Variants in LYPLAL1 observed in about 807,000 individuals in gnomAD.
LYPLAL1 encodes lysophospholipase-like protein 1.
LYPLAL1 carries 23 observed loss-of-function variants against 19.7 expected under a neutral mutation model. The observed-to-expected ratio is 1.17, with a 90% CI of 0.84 to 1.65. The LOEUF (loss-of-function observed/expected upper bound fraction) is 1.65, where lower values mean the gene tolerates loss of function less well. Ranked by LOEUF, LYPLAL1 falls within the 40% of genes most tolerant of loss-of-function variation. The pLI, the probability that LYPLAL1 is intolerant of heterozygous loss-of-function variation, is 0.00. For synonymous variants in LYPLAL1, 119 were observed against 96.3 expected (o/e 1.24, Z -1.38); for missense variants, 355 against 279.4 (o/e 1.27, Z -1.93).
the LYPLAL1 span, among the ~76,000 whole-genome samples, chr1:219,438,107 C>T: frequency 6.6e-6 from 1 of 152,156 alleles, no homozygotes; most frequent in Non-Finnish European, 1.5e-5. Context: ...AAAAGGACCC[C>T]TCTTATAGCA....
the LYPLAL1 span, among the ~76,000 whole-genome samples, chr1:219,392,634 G>A: frequency 2.0e-5 from 3 of 151,982 alleles, no homozygotes; most frequent in African/African-American, 7.3e-5. Context: ...CCAAAATAAG[G>A]CTTTATGATA....
chr1:219,268,499 A>G, the LYPLAL1 span, among the ~76,000 whole-genome samples: 36 of 152,312 alleles, frequency 2.4e-4, no homozygotes, highest in African/African-American at 8.4e-4. Context: ...TAAAGTCAGA[A>G]AGGTAATGAA....
chr1:219,337,858 A>G, the LYPLAL1 span, among the ~76,000 whole-genome samples: 11 of 152,138 alleles, frequency 7.2e-5, no homozygotes, highest in African/African-American at 2.4e-4. Flanking sequence ...TTAACTCACT[A>G]CAGAAAAAAA....
chr1:219,185,227 T>G (rs1656631082), intron 2 of LYPLAL1, among the ~76,000 whole-genome samples: 1 of 151,920 alleles, frequency 6.6e-6, no homozygotes, highest in South Asian at 2.1e-4. Context: ...GCTTTTATGA[T>G]TTGTTGTTGA....
the LYPLAL1 span, among the ~76,000 whole-genome samples, chr1:219,396,633 T>A: frequency 5.9e-4 from 90 of 152,324 alleles, no homozygotes; most frequent in African/African-American, 2.0e-3. Flanking sequence ...CTTGTAGAGA[T>A]CTTTCATCTC....
In LYPLAL1 at chr1:219,212,433, C is replaced by T. The variant is rs1659112786; in HGVS notation, c.*705C>T. 1 of 151,940 alleles carries T rather than the reference C, an allele frequency of 6.6e-6. No individual in the cohort carries two copies. The highest frequency in any genetic ancestry group is 1.5e-5 in the Non-Finnish European group (1 of 67,926). The allele number at this position is 151,940 out of a possible 1,614,324, so 9.4% of individuals were successfully genotyped here. On this transcript the variant is annotated 3_prime_UTR_variant, in exon 5 of 5. Coordinates refer to ENST00000366928, the MANE Select transcript of LYPLAL1 (RefSeq NM_138794.5). The stretch of plus-strand genomic sequence containing the variant: ...TTAAATAAATAGCCAAAAGCCAATA[C>T]ATAATAAACACTCAATAAAGATTAA...
chr1:219,298,216 G>A, the LYPLAL1 span, among the ~76,000 whole-genome samples: 21 of 152,132 alleles, frequency 1.4e-4, no homozygotes, highest in Non-Finnish European at 2.2e-4. Flanking sequence ...AGGCTGAGGT[G>A]GGAGAATCAC....
At chr1:219,258,753 A>G in the LYPLAL1 span, among the ~76,000 whole-genome samples, 2 of 152,120 alleles carry the variant, frequency 1.3e-5, no homozygotes, top group African/African-American at 4.8e-5. Flanking sequence ...ATGCAACAAA[A>G]ACAACAATAA....
At chr1:219,292,077 G>T in the LYPLAL1 span, among the ~76,000 whole-genome samples, 1 of 152,040 alleles carries the variant, frequency 6.6e-6, no homozygotes, top group South Asian at 2.1e-4. Context: ...AAATGAACAC[G>T]TGGGCTCCTC....
the LYPLAL1 span, among the ~76,000 whole-genome samples, chr1:219,281,696 C>T: frequency 3.9e-5 from 6 of 152,144 alleles, no homozygotes; most frequent in South Asian, 2.1e-4. Context: ...AAAAGTGTCT[C>T]GCCTCAATCA....
chr1:219,335,612 CTG>C, the LYPLAL1 span, among the ~76,000 whole-genome samples: 2 of 150,772 alleles, frequency 1.3e-5, no homozygotes, highest in Admixed American at 1.3e-4. Context: ...TTTTAAAAAA[CTG>C]CACTAAAAAC....
At chr1:219,229,797 C>G in the LYPLAL1 span, among the ~76,000 whole-genome samples, 19 of 152,134 alleles carry the variant, frequency 1.2e-4, no homozygotes, top group Admixed American at 1.3e-4. Flanking sequence ...GCATGCCCTG[C>G]GAGGGGGACA....
chr1:219,222,551 G>C, the LYPLAL1 span: 16 of 152,174 alleles, frequency 1.1e-4, no homozygotes, highest in African/African-American at 3.6e-4. Flanking sequence ...TGGACTTTAG[G>C]AGAAGTCCCT....
At chr1:219,305,575 G>C in the LYPLAL1 span, among the ~76,000 whole-genome samples, 1 of 152,154 alleles carries the variant, frequency 6.6e-6, no homozygotes, top group Non-Finnish European at 1.5e-5. Flanking sequence ...TGAAATAACA[G>C]TGCATGTCTT....
the LYPLAL1 span, among the ~76,000 whole-genome samples, chr1:219,335,147 T>G: frequency 2.0e-5 from 3 of 151,988 alleles, no homozygotes; most frequent in African/African-American, 7.2e-5. Flanking sequence ...AGAAGAATTT[T>G]TTATTAGTTT....
At chr1:219,429,974 G>C in the LYPLAL1 span, among the ~76,000 whole-genome samples, 1 of 152,142 alleles carries the variant, frequency 6.6e-6, no homozygotes, top group Non-Finnish European at 1.5e-5. Flanking sequence ...GAGATCTAGA[G>C]AGTAAATGTG....
chr1:219,407,996 G>T, the LYPLAL1 span, among the ~76,000 whole-genome samples: 3 of 152,074 alleles, frequency 2.0e-5, no homozygotes, highest in African/African-American at 7.2e-5. Flanking sequence ...CCTCCCAAAG[G>T]CCTCACCTCC....
the LYPLAL1 span, among the ~76,000 whole-genome samples, chr1:219,397,346 G>A: frequency 1.3e-5 from 2 of 152,154 alleles, no homozygotes; most frequent in South Asian, 2.1e-4. Flanking sequence ...TTGCATCAAT[G>A]TTCATAAAGG....
the LYPLAL1 span, among the ~76,000 whole-genome samples, chr1:219,285,661 GA>G: frequency 2.6e-5 from 4 of 151,996 alleles, no homozygotes; most frequent in Admixed American, 2.6e-4. Context: ...GAAACGTCCA[GA>G]ATAGGCAAAT....
Sources: allele counts gnomAD v4.1 joint callset (sites outside exome capture counted in the v4.1 genomes callset), GRCh38; gene constraint gnomAD v4.1.1; transcripts MANE v1.5; gene names NCBI Gene and HGNC (gene_info 2026-07-23, HGNC 2026-07-21).